Variants in MYO9B observed in about 807,000 individuals in gnomAD.
The protein encoded by MYO9B is myosin IXB.
A neutral mutation model predicts 229.5 loss-of-function variants in MYO9B; 71 were observed. The observed-to-expected ratio is 0.31, with a 90% CI of 0.26 to 0.38. The LOEUF is 0.38. MYO9B is among the 10% of genes least tolerant of loss of function. The pLI, the probability that MYO9B is intolerant of heterozygous loss-of-function variation, is 1.00. For synonymous variants in MYO9B, 1,185 were observed against 1,235.8 expected (o/e 0.96, Z 0.86); for missense variants, 2,255 against 2,920.5 (o/e 0.77, Z 5.25).
chr19:17,098,467 C>T lies in MYO9B; in HGVS notation c.-58-3193C>T, dbSNP rs566942427. 2.4e-4 allele frequency among the ~76,000 whole-genome samples: 36 copies of T among 152,352 alleles called. No individual in the cohort carries two copies. In the Middle Eastern group the frequency reaches 0.017, roughly 72 times the overall value. On this transcript the variant is annotated intron_variant, in intron 1 of 39. Coordinates refer to ENST00000682292, the MANE Select transcript of MYO9B (RefSeq NM_004145.4). ...TGCGCTGGATTCACGTCTACACTCA[C>T]GTCTGTTTGCATACCAGTCTCTCCT... is the stretch of plus-strand genomic sequence containing the variant.
Position 17,172,271 on chromosome 19 carries a change from T to C in MYO9B, c.1794-65T>C. On this transcript the variant is annotated intron_variant, in intron 11 of 39. Transcript: ENST00000682292. The surrounding 1 kb of genome is among the most constrained non-coding windows in gnomAD (Gnocchi z 8.2). ...CCTCGTGCACCAGGGGTCTGCAAGA[T>C]AAAATACACAGCAGGTAAATCAGCC... is the stretch of plus-strand genomic sequence containing the variant. 2 of 1,591,048 alleles carry C rather than the reference T, an allele frequency of 1.3e-6. No homozygotes were observed. The highest frequency in any genetic ancestry group is 3.4e-5 in the Admixed American group (2 of 58,790).
At chr19:17,208,022 A>C (rs1424076440) in intron 35 of MYO9B, 3 of 147,712 alleles carry the variant, frequency 2.0e-5, no homozygotes, top group Non-Finnish European at 4.4e-5. Flanking sequence ...AAAAAAAAAA[A>C]CAAAATACAA....
Position 17,194,596 on chromosome 19 carries a change from A to C in MYO9B, c.3169A>C (p.Lys1057Gln). Residue 1057 changes from lysine (K) to glutamine (Q), a missense_variant, in exon 22 of 40, where the codon AAG (lysine) becomes CAG (glutamine). This residue lies in a region of MYO9B where 679 missense variants were observed against 770.2 expected (regional missense o/e 0.88). Transcript: ENST00000682292. ...MISEKQKAEE[K>Q]EREALEAARA... ...CTCGGAGAAGCAGAAGGCAGAAGAG[A>C]AGGAGAGGGAAGCCCTGGAAGCCGC... The C allele has an allele frequency of 6.2e-7, 1 of 1,612,810 alleles. No individual in the cohort carries two copies. The highest frequency in any genetic ancestry group is 1.1e-5 in the South Asian group (1 of 91,072).
chr19:17,183,955 A>C, intron 16 of MYO9B, 87 bp downstream of exon 16: 1 of 1,292,246 alleles, frequency 7.7e-7, no homozygotes, highest in Non-Finnish European at 1.1e-6. Context: ...CTGCAACTTC[A>C]TTTCCTCCTC....
At chr19:17,099,999 G>T (rs192495260) in intron 1 of MYO9B, among the ~76,000 whole-genome samples, 52 of 149,482 alleles carry the variant, frequency 3.5e-4, no homozygotes, top group African/African-American at 1.2e-3. Context: ...CGGGGTGCCT[G>T]TAATCCCAGC....
Position 17,211,633 on chromosome 19 carries a change from C to T in MYO9B, c.5931-14C>T. 1.3e-6 allele frequency: 2 copies of T among 1,589,056 alleles called. No homozygotes were observed. Among genetic ancestry groups the T allele is most frequent in the South Asian group, 1.1e-5 (1 of 88,288 alleles). On this transcript the variant is annotated splice_polypyrimidine_tract_variant and intron_variant, in intron 38 of 39. Coordinates refer to ENST00000682292, the MANE Select transcript of MYO9B (RefSeq NM_004145.4). ...GTGGGGTGGCCTTGGACACCACTAC[C>T]CTTTTTCCTCCAGGGAGGACATCAC...
chr19:17,211,835 G>A (rs554879502), intron 39 of MYO9B, 60 bp from the exon 40 acceptor site: 95 of 1,608,704 alleles, frequency 5.9e-5, no homozygotes, highest in African/African-American at 2.8e-4. Context: ...GCCCCAGGGC[G>A]AGGGTCCTCC....
intron 2 of MYO9B, among the ~76,000 whole-genome samples, chr19:17,134,266 GT>G (rs1185626624): frequency 2.7e-5 from 4 of 150,922 alleles, no homozygotes; most frequent in African/African-American, 9.8e-5. Context: ...TTCTACACGA[GT>G]GAGATCATGC....
intron 14 of MYO9B, chr19:17,180,545 T>A (rs1239136956): frequency 6.5e-6 from 1 of 154,680 alleles, no homozygotes; most frequent in African/African-American, 2.4e-5. Context: ...GAGATGAGTT[T>A]CGCCATGTTG....
intron 1 of MYO9B, among the ~76,000 whole-genome samples, chr19:17,076,106 G>C (rs1320670642): frequency 6.6e-6 from 1 of 151,660 alleles, no homozygotes; most frequent in Non-Finnish European, 1.5e-5. Context: ...GGCGTGGGGG[G>C]GGTGAGTCTT....
At chr19:17,097,804 C>G (rs34358442) in intron 1 of MYO9B, among the ~76,000 whole-genome samples, 4,763 of 152,288 alleles carry the variant, frequency 0.031, 99 homozygotes, top group Non-Finnish European at 0.05. Flanking sequence ...GGTCAGCAAA[C>G]CTTTGCTTTG....
chr19:17,205,358 C>G (rs547464068), intron 31 of MYO9B, 22 bp downstream of exon 31: 5 of 1,607,940 alleles, frequency 3.1e-6, no homozygotes, highest in African/African-American at 1.3e-5. Context: ...AGGCCTGGAA[C>G]TTTCTACAAT....
chr19:17,180,801 C>T, intron 14 of MYO9B, 126 bp from the exon 15 acceptor site: 2 of 610,318 alleles, frequency 3.3e-6, no homozygotes, highest in Non-Finnish European at 5.8e-6. Context: ...GTCTTTCCCC[C>T]AGCTGCATGT....
rs1242143820 is a variant in MYO9B at position 17,193,232 on chromosome 19, A to G, written c.3128+170A>G. ...ATGCCTAGGCACTCATGGGCTGCAGAGAAGTGCTCCAAGGCTGGCAGGCAG... is the reference window on the plus strand; with the variant it reads ...ATGCCTAGGCACTCATGGGCTGCAGGGAAGTGCTCCAAGGCTGGCAGGCAG... On this transcript the variant is annotated intron_variant, in intron 21 of 39. Transcript: ENST00000682292. The surrounding 1 kb of genome is among the most constrained non-coding windows in gnomAD (Gnocchi z 4.3). 6.6e-6 allele frequency among the ~76,000 whole-genome samples: 1 copy of G among 152,230 alleles called. No homozygotes were observed. Among genetic ancestry groups the G allele is most frequent in the African/African-American group, 2.4e-5 (1 of 41,460 alleles).
chr19:17,086,956 A>G (rs979784922), intron 1 of MYO9B, among the ~76,000 whole-genome samples: 1 of 151,512 alleles, frequency 6.6e-6, no homozygotes, highest in African/African-American at 2.4e-5. Context: ...TGAGAACTGC[A>G]GTGTTAGCAC....
At chr19:17,083,245 G>A (rs2057551250) in intron 1 of MYO9B, among the ~76,000 whole-genome samples, 1 of 151,954 alleles carries the variant, frequency 6.6e-6, no homozygotes, top group Admixed American at 6.6e-5. Flanking sequence ...CATGTTGCCT[G>A]GTCTTGAACT....
chr19:17,109,642 C>T (rs1166228023), intron 2 of MYO9B, among the ~76,000 whole-genome samples: 2 of 152,148 alleles, frequency 1.3e-5, no homozygotes, highest in Non-Finnish European at 2.9e-5. Context: ...CTGGGTCCCT[C>T]TGGAGGCTCT....
At chr19:17,199,498 GTTGTTTTTTTGT>G (rs1469784707) in intron 24 of MYO9B, among the ~76,000 whole-genome samples, 1 of 151,392 alleles carries the variant, frequency 6.6e-6, no homozygotes, top group Non-Finnish European at 1.5e-5. Context: ...ATAATCCTGT[GTTGTTTTTTTGT>G]TTGTTTTTTT....
chr19:17,198,628 G>A (rs189087344), intron 24 of MYO9B, among the ~76,000 whole-genome samples: 1,584 of 151,908 alleles, frequency 0.01, 13 homozygotes, highest in South Asian at 0.018. Context: ...CCAGCCACTC[G>A]GGAGGCTGAG....
Sources: allele counts gnomAD v4.1 joint callset (sites outside exome capture counted in the v4.1 genomes callset), GRCh38; gene constraint gnomAD v4.1.1; regional missense constraint gnomAD v4.1.1; non-coding constraint Gnocchi (gnomAD v3.1); transcripts MANE v1.5; gene names NCBI Gene and HGNC (gene_info 2026-07-23, HGNC 2026-07-21).